Variants in GALNT13 observed in about 807,000 individuals in gnomAD.
GALNT13 encodes the protein UDP-GalNAc:polypeptide N-acetylgalactosaminyltransferase 13.
Under a neutral mutation model 64.2 loss-of-function variants are expected in GALNT13, and 28 were observed. That is an observed-to-expected ratio of 0.44 (90% CI 0.32 to 0.60). The LOEUF is 0.60. Among genes scored for constraint, GALNT13 ranks in the 20% least tolerant of loss-of-function variants. GALNT13 has a pLI of 0.05. For missense variants in GALNT13, 577 were observed against 669.8 expected (o/e 0.86, Z 1.53); for synonymous variants, 214 against 224.6 (o/e 0.95, Z 0.42).
At chr2:154,445,182 G>A (rs1372749865) in intron 12 of GALNT13, among the ~76,000 whole-genome samples, 1 of 151,882 alleles carries the variant, frequency 6.6e-6, no homozygotes, top group African/African-American at 2.4e-5. Context: ...GAAGTACCTG[G>A]AATGAAACTT....
chr2:153,471,813 CAAAT>C, the GALNT13 span, among the ~76,000 whole-genome samples: 11 of 152,146 alleles, frequency 7.2e-5, no homozygotes, highest in Non-Finnish European at 1.0e-4. Context: ...CCAGACACTT[CAAAT>C]AAATCTTATT....
chr2:154,009,460 G>A (rs1696478375), intron 3 of GALNT13, among the ~76,000 whole-genome samples: 1 of 151,276 alleles, frequency 6.6e-6, no homozygotes, highest in Admixed American at 6.6e-5. Flanking sequence ...TAGTTTGCTA[G>A]GAATAGCATT....
chr2:153,736,845 C>T, the GALNT13 span, among the ~76,000 whole-genome samples: 5 of 152,288 alleles, frequency 3.3e-5, no homozygotes, highest in South Asian at 2.1e-4. Flanking sequence ...CTGTGACTGG[C>T]TGCCACCACC....
At chr2:154,340,762 A>G (rs1464842788) in intron 9 of GALNT13, among the ~76,000 whole-genome samples, 2 of 152,170 alleles carry the variant, frequency 1.3e-5, no homozygotes, top group African/African-American at 4.8e-5. Flanking sequence ...AAAAATACAT[A>G]GTATCCTCCC....
intron 9 of GALNT13, among the ~76,000 whole-genome samples, chr2:154,389,854 G>T (rs1698702418): frequency 6.6e-6 from 1 of 151,590 alleles, no homozygotes; most frequent in South Asian, 2.1e-4. Flanking sequence ...TTAGTGAGGG[G>T]TATTAAAGAG....
chr2:154,032,349 C>A (rs189221315), intron 3 of GALNT13, among the ~76,000 whole-genome samples: 315 of 152,016 alleles, frequency 2.1e-3, no homozygotes, highest in African/African-American at 7.3e-3. Flanking sequence ...AGTCTATTAA[C>A]CTTTTAAGAA....
chr2:153,175,783 T>C, the GALNT13 span, among the ~76,000 whole-genome samples: 1 of 152,244 alleles, frequency 6.6e-6, no homozygotes, highest in African/African-American at 2.4e-5. Context: ...AGGAACCAGT[T>C]ACAGAGAGGA....
At chr2:154,112,771 T>C (rs1703058851) in intron 3 of GALNT13, among the ~76,000 whole-genome samples, 1 of 152,224 alleles carries the variant, frequency 6.6e-6, no homozygotes, top group Admixed American at 6.5e-5. Flanking sequence ...GGTGCCTGCA[T>C]ATCGTGCAGA....
intron 4 of GALNT13, among the ~76,000 whole-genome samples, chr2:154,234,377 G>A (rs937825710): frequency 9.9e-5 from 15 of 151,998 alleles, no homozygotes; most frequent in Admixed American, 6.6e-5. Context: ...TGTAGATATC[G>A]GAGCAGTTTT....
chr2:153,886,058 A>G (rs1044116856), intron 1 of GALNT13, among the ~76,000 whole-genome samples: 3 of 151,978 alleles, frequency 2.0e-5, no homozygotes, highest in Non-Finnish European at 4.4e-5. Context: ...GGTTCCCCCC[A>G]TAGTGTAGGA....
intron 1 of GALNT13, among the ~76,000 whole-genome samples, chr2:153,890,963 T>A (rs1236429959): frequency 6.6e-6 from 1 of 152,078 alleles, no homozygotes; most frequent in Non-Finnish European, 1.5e-5. Context: ...ACTTATTTAT[T>A]GATGCTCATG....
At chr2:154,351,828 C>T (rs1696428294) in intron 9 of GALNT13, among the ~76,000 whole-genome samples, 1 of 146,674 alleles carries the variant, frequency 6.8e-6, no homozygotes, top group African/African-American at 2.5e-5. Flanking sequence ...AGGTTCTAAA[C>T]ACTTTGATCA....
At chr2:153,299,534 T>C in the GALNT13 span, among the ~76,000 whole-genome samples, 2 of 152,240 alleles carry the variant, frequency 1.3e-5, no homozygotes, top group African/African-American at 4.8e-5. Context: ...GACAGCCCTA[T>C]AGCCTTTTTC....
At chr2:154,160,348 C>A (rs964232212) in intron 4 of GALNT13, among the ~76,000 whole-genome samples, 4 of 152,156 alleles carry the variant, frequency 2.6e-5, no homozygotes, top group African/African-American at 9.7e-5. Context: ...AGACAGAACA[C>A]CACGCAAGAA....
chr2:153,181,951 T>C, the GALNT13 span, among the ~76,000 whole-genome samples: 1 of 150,056 alleles, frequency 6.7e-6, no homozygotes, highest in East Asian at 1.9e-4. Context: ...AATGGTAATT[T>C]AGTATATTAA....
At chr2:153,351,930 G>T in the GALNT13 span, among the ~76,000 whole-genome samples, 4 of 152,148 alleles carry the variant, frequency 2.6e-5, no homozygotes, top group Admixed American at 2.0e-4. Flanking sequence ...TCATGTGCAA[G>T]TTTTTGTGTG....
the GALNT13 span, among the ~76,000 whole-genome samples, chr2:153,436,884 C>T: frequency 6.6e-6 from 1 of 152,078 alleles, no homozygotes; most frequent in Non-Finnish European, 1.5e-5. Context: ...AATGTGTTTG[C>T]TCTTGCTTCT....
the GALNT13 span, among the ~76,000 whole-genome samples, chr2:153,231,557 A>T: frequency 6.6e-6 from 1 of 152,246 alleles, no homozygotes; most frequent in African/African-American, 2.4e-5. Context: ...CTAAATGTAT[A>T]TACTCATAAC....
At chr2:153,129,691 A>G in the GALNT13 span, among the ~76,000 whole-genome samples, 1 of 151,984 alleles carries the variant, frequency 6.6e-6, no homozygotes, top group African/African-American at 2.4e-5. Flanking sequence ...AATTGCTTGA[A>G]CTAGGGAGGT....
Sources: allele counts gnomAD v4.1 joint callset (sites outside exome capture counted in the v4.1 genomes callset), GRCh38; gene constraint gnomAD v4.1.1; transcripts MANE v1.5; gene names NCBI Gene and HGNC (gene_info 2026-07-23, HGNC 2026-07-21).